Variants in SV2C observed in about 807,000 individuals in gnomAD.
The protein encoded by SV2C is solute carrier family 22 member B3.
SV2C carries 49 observed loss-of-function variants against 79.7 expected under a neutral mutation model. The observed-to-expected ratio is 0.61, with a 90% confidence interval of 0.49 to 0.78. The LOEUF (loss-of-function observed/expected upper bound fraction) is 0.78, where lower values mean the gene tolerates loss of function less well. Among genes scored for constraint, SV2C ranks in the 30% least tolerant of loss-of-function variants. The probability of loss-of-function intolerance (pLI) is 0.00; values close to 1 mark genes in which losing one functional copy is unlikely to be tolerated. For missense variants in SV2C, 833 were observed against 912.9 expected (o/e 0.91, Z 1.13); for synonymous variants, 334 against 333.2 (o/e 1.00, Z -0.03).
chr5:75,977,056 T>C, the SV2C span, among the ~76,000 whole-genome samples: 1 of 152,236 alleles, frequency 6.6e-6, no homozygotes, highest in African/African-American at 2.4e-5. Flanking sequence ...AAATTATTTA[T>C]AGTCTAAATA....
intron 2 of SV2C, among the ~76,000 whole-genome samples, chr5:76,144,141 T>G (rs898615274): frequency 1.1e-4 from 17 of 152,234 alleles, no homozygotes; most frequent in Non-Finnish European, 1.5e-4. Flanking sequence ...TTATGTTCTG[T>G]GTGTTTGATA....
At chr5:76,257,118 G>A (rs1013755843) in intron 4 of SV2C, among the ~76,000 whole-genome samples, 1 of 152,198 alleles carries the variant, frequency 6.6e-6, no homozygotes, top group African/African-American at 2.4e-5. Flanking sequence ...AACTTCCAGA[G>A]CCACTGAATT....
At chr5:76,056,224 G>A in the SV2C span, among the ~76,000 whole-genome samples, 5 of 152,102 alleles carry the variant, frequency 3.3e-5, no homozygotes, top group African/African-American at 9.7e-5. Context: ...TTTATCAAAG[G>A]CCTTTTCTGC....
chr5:76,161,151 T>C (rs1172707282), intron 2 of SV2C, among the ~76,000 whole-genome samples: 1 of 152,078 alleles, frequency 6.6e-6, no homozygotes. Context: ...TAGACAAATT[T>C]TGAATATGTA....
chr5:76,209,817 G>A lies in SV2C; in HGVS notation c.843G>A (p.Trp281Ter), dbSNP rs1161009851. The A allele has an allele frequency of 1.9e-6, 3 of 1,614,208 alleles. No individual in the cohort carries two copies. The highest frequency in any genetic ancestry group is 1.3e-5 in the African/African-American group (1 of 75,040). The change falls in exon 4 of 13, where the codon TGG becomes TGA. Residue 281 changes from tryptophan (W) to a stop codon, truncating the protein, a stop_gained. Coordinates refer to ENST00000502798, the MANE Select transcript of SV2C (RefSeq NM_014979.4). LOFTEE classifies it high-confidence loss of function. ...AREKRGEHLS[W>*]LCMFWMIGGI... ...AAAAGCGGGGCGAACACTTGAGCTG[G>A]CTCTGCATGTTCTGGATGATCGGTG... is the stretch of plus-strand genomic sequence containing the variant.
chr5:76,055,910 G>A, the SV2C span, among the ~76,000 whole-genome samples: 120 of 152,090 alleles, frequency 7.9e-4, no homozygotes, highest in African/African-American at 2.8e-3. Flanking sequence ...GAGACAATGG[G>A]GTTTTTTAAA....
At chr5:76,085,150 C>T (rs776751715) in intron 1 of SV2C, among the ~76,000 whole-genome samples, 25 of 152,186 alleles carry the variant, frequency 1.6e-4, no homozygotes, top group Non-Finnish European at 2.9e-4. Context: ...ACTCATTTTC[C>T]ATGGCAAGTT....
the SV2C span, among the ~76,000 whole-genome samples, chr5:75,966,090 T>C: frequency 1.3e-5 from 2 of 152,324 alleles, no homozygotes; most frequent in East Asian, 3.9e-4. Flanking sequence ...TTCAACATTA[T>C]TGATTAGCTG....
At chr5:76,049,324 G>GAA in the SV2C span, among the ~76,000 whole-genome samples, 571 of 106,948 alleles carry the variant, frequency 5.3e-3, 10 homozygotes, top group Admixed American at 0.036. Context: ...GTGACAGAGC[G>GAA]AAAAAAAAAA....
At chr5:75,910,532 T>C in the SV2C span, 3 of 638,226 alleles carry the variant, frequency 4.7e-6, no homozygotes, top group Non-Finnish European at 5.7e-6. Flanking sequence ...GGGGCTTTGT[T>C]CAAATTGTTC....
the SV2C span, among the ~76,000 whole-genome samples, chr5:75,950,058 G>A: frequency 6.6e-6 from 1 of 152,128 alleles, no homozygotes; most frequent in South Asian, 2.1e-4. Context: ...TGGGAAAAAA[G>A]CCTGAGTCTT....
Position 76,131,721 on chromosome 5 carries a change from A to G in SV2C, c.-30A>G, listed in dbSNP as rs1272645712. The G allele has an allele frequency of 1.0e-5, 16 of 1,549,770 alleles. No individual in the cohort carries two copies. The highest frequency in any genetic ancestry group is 1.4e-5 in the Non-Finnish European group (16 of 1,145,372). The stretch of plus-strand genomic sequence containing the variant: ...TGAAAGGAGGCTGTGAAAATTTCCC[A>G]TCTTCTCATTGGCCATCAGTTGAGA... On this transcript the variant is annotated 5_prime_UTR_variant, in exon 2 of 13. Transcript: ENST00000502798.
intron 4 of SV2C, among the ~76,000 whole-genome samples, chr5:76,228,441 C>T (rs892162575): frequency 6.6e-6 from 1 of 152,058 alleles, no homozygotes; most frequent in African/African-American, 2.4e-5. Context: ...TCACAGGTAG[C>T]GGGGCAAGCT....
the SV2C span, among the ~76,000 whole-genome samples, chr5:76,065,143 A>T: frequency 9.8e-5 from 15 of 152,330 alleles, no homozygotes; most frequent in East Asian, 2.9e-3. Context: ...TTCAAGTAAG[A>T]ACAAAATACT....
the SV2C span, among the ~76,000 whole-genome samples, chr5:76,048,989 AAG>A: frequency 4.9e-3 from 464 of 95,446 alleles, 14 homozygotes; most frequent in South Asian, 0.03. Flanking sequence ...GAAAGAAAGA[AAG>A]AAAGAAAGAA....
chr5:76,289,357 C>T (rs758959770), intron 6 of SV2C, among the ~76,000 whole-genome samples: 14 of 152,154 alleles, frequency 9.2e-5, no homozygotes, highest in Non-Finnish European at 1.6e-4. Context: ...TCCACACATG[C>T]AGGTTGAAGG....
chr5:76,033,889 G>A, the SV2C span, among the ~76,000 whole-genome samples: 98 of 151,664 alleles, frequency 6.5e-4, no homozygotes, highest in Admixed American at 1.4e-3. Context: ...AGCATGGAAT[G>A]TTCTTCCATT....
chr5:75,934,924 T>C, the SV2C span, among the ~76,000 whole-genome samples: 1 of 151,780 alleles, frequency 6.6e-6, no homozygotes, highest in African/African-American at 2.4e-5. Context: ...TCCTTTTTTC[T>C]CTATTTTGTG....
chr5:76,124,289 G>C (rs1266298000), intron 1 of SV2C, among the ~76,000 whole-genome samples: 1 of 152,026 alleles, frequency 6.6e-6, no homozygotes, highest in African/African-American at 2.4e-5. Flanking sequence ...CCCAGATCCT[G>C]GCAACCACCA....
Sources: allele counts gnomAD v4.1 joint callset (sites outside exome capture counted in the v4.1 genomes callset), GRCh38; gene constraint gnomAD v4.1.1; transcripts MANE v1.5; gene names NCBI Gene and HGNC (gene_info 2026-07-23, HGNC 2026-07-21).